OTUD7A: variants seen among roughly 807,000 people sequenced by gnomAD.
OTUD7A encodes OTU deubiquitinase 7A.
A neutral mutation model predicts 65.7 loss-of-function variants in OTUD7A; 12 were observed. That is an observed-to-expected ratio of 0.18 (90% CI 0.12 to 0.30). OTUD7A has a LOEUF of 0.30. Among genes scored for constraint, OTUD7A ranks in the 10% least tolerant of loss-of-function variants. The probability of loss-of-function intolerance (pLI) is 1.00; values close to 1 mark genes in which losing one functional copy is unlikely to be tolerated. For missense variants in OTUD7A, 1,148 were observed against 1,304.8 expected, an observed-to-expected ratio of 0.88 and a Z score of 1.85; for synonymous variants, 641 against 586.3, an observed-to-expected ratio of 1.09 and a Z score of -1.35.
chr15:31,553,794 GTC>G (rs1566916760), intron 5 of OTUD7A, among the ~76,000 whole-genome samples: 1 of 151,818 alleles, frequency 6.6e-6, no homozygotes, highest in African/African-American at 2.4e-5. Context: ...CCTGCCAGCC[GTC>G]TCTCTCTGCC....
At chr15:31,843,423 C>T (rs117533609) in intron 1 of OTUD7A, among the ~76,000 whole-genome samples, 2 of 151,212 alleles carry the variant, frequency 1.3e-5, no homozygotes, top group East Asian at 3.9e-4. Context: ...TTTCTTTTGA[C>T]AGTGATTTTT....
intron 1 of OTUD7A, among the ~76,000 whole-genome samples, chr15:31,764,125 T>C (rs1895042773): frequency 6.6e-6 from 1 of 152,170 alleles, no homozygotes; most frequent in African/African-American, 2.4e-5. Flanking sequence ...ATATAATAGA[T>C]TCTTCTCATA....
chr15:31,567,031 G>C (rs1888897643), intron 4 of OTUD7A, among the ~76,000 whole-genome samples: 2 of 152,170 alleles, frequency 1.3e-5, no homozygotes, highest in Admixed American at 6.5e-5. Context: ...CAGTACCAAG[G>C]GGGTACCTGA....
intron 3 of OTUD7A, among the ~76,000 whole-genome samples, chr15:31,639,316 T>C (rs143697196): frequency 1.3e-5 from 2 of 151,694 alleles, no homozygotes; most frequent in African/African-American, 4.9e-5. Context: ...TTGAGAGTCA[T>C]CTCTGTTGTT....
At chr15:31,754,303 TG>T (rs1172627255) in intron 1 of OTUD7A, among the ~76,000 whole-genome samples, 1 of 152,078 alleles carries the variant, frequency 6.6e-6, no homozygotes, top group Non-Finnish European at 1.5e-5. Flanking sequence ...TCCCACTCTG[TG>T]GGTTGTCTGT....
chr15:31,738,521 T>C (rs1022330401), intron 1 of OTUD7A, among the ~76,000 whole-genome samples: 5 of 152,184 alleles, frequency 3.3e-5, no homozygotes, highest in Admixed American at 3.3e-4. Context: ...CCCAGAGGCA[T>C]TCTGATAGAG....
At position 31,483,669 on chromosome 15, in the gene OTUD7A, G is replaced by C; in HGVS notation, c.2427C>G (p.Arg809=). 1 of 1,167,580 alleles carries C rather than the reference G, an allele frequency of 8.6e-7. No individual in the cohort carries two copies. Among genetic ancestry groups the C allele is most frequent in the Non-Finnish European group, 1.1e-6 (1 of 948,758 alleles). The allele number at this position is 1,167,580 out of a possible 1,614,324, so 72.3% of individuals were successfully genotyped here. ...GGCTGTAGCTCTGCGACGACAGCGA[G>C]CGGTTCTGCTGCGGGTACGTGGCGC... ...RPCATYPQQN[R]SLSSQSYSPA... The change falls in exon 13 of 13, where the codon CGC becomes CGG. Residue 809 remains arginine (R), a synonymous_variant. Coordinates refer to ENST00000307050, the MANE Select transcript of OTUD7A (RefSeq NM_001382637.1).
At chr15:31,692,384 G>A (rs1321552749) in intron 1 of OTUD7A, among the ~76,000 whole-genome samples, 1 of 104,892 alleles carries the variant, frequency 9.5e-6, no homozygotes, top group African/African-American at 2.7e-5. Flanking sequence ...ATGGAATCCC[G>A]TCATTTGCAG....
intron 1 of OTUD7A, chr15:31,768,064 T>C: frequency 6.2e-7 from 1 of 1,601,506 alleles, no homozygotes; most frequent in Non-Finnish European, 8.6e-7. Context: ...CTGCTTCTCC[T>C]GCTGTGAAAC....
At chr15:31,551,497 C>T (rs1009821316) in intron 5 of OTUD7A, among the ~76,000 whole-genome samples, 7 of 152,152 alleles carry the variant, frequency 4.6e-5, no homozygotes, top group African/African-American at 9.7e-5. Flanking sequence ...TGGTTTCACA[C>T]GTGGGGAGCT....
rs1312458771 is a variant in OTUD7A at position 31,516,425 on chromosome 15, C to CG, written c.893+9923dup. ...GTGGCGGAGAGGATCCCAGCTCCAGCGGGGGGCAGCCTGAAAATCATAATG... is the reference window on the plus strand; with the variant it reads ...GTGGCGGAGAGGATCCCAGCTCCAGCGGGGGGGCAGCCTGAAAATCATAATG... On this transcript the variant is annotated intron_variant, in intron 8 of 12. Coordinates refer to ENST00000307050, the MANE Select transcript of OTUD7A (RefSeq NM_001382637.1). Among the ~76,000 whole-genome samples, 7 of 152,144 alleles carry CG rather than the reference C, an allele frequency of 4.6e-5. No homozygotes were observed. The East Asian group carries it at 9.7e-4, about 21-fold the overall frequency.
At chr15:31,751,754 C>T (rs558174578) in intron 1 of OTUD7A, among the ~76,000 whole-genome samples, 2 of 152,228 alleles carry the variant, frequency 1.3e-5, no homozygotes, top group Admixed American at 6.5e-5. Context: ...GAAATAATGT[C>T]CTTTTCAAAC....
chr15:31,839,387 T>C (rs1028991236), intron 1 of OTUD7A, among the ~76,000 whole-genome samples: 1 of 152,194 alleles, frequency 6.6e-6, no homozygotes, highest in Non-Finnish European at 1.5e-5. Context: ...TGGGGCCAGG[T>C]AAGCACCTTG....
chr15:31,671,420 A>G (rs988837991), intron 1 of OTUD7A, among the ~76,000 whole-genome samples: 4 of 152,074 alleles, frequency 2.6e-5, no homozygotes, highest in African/African-American at 9.7e-5. Context: ...CCATTGGTCT[A>G]TGTGTCTGTT....
In OTUD7A at chr15:31,507,624, C is replaced by T. The variant is rs945310350; in HGVS notation, c.894-3806G>A. ...GAACAGGACCCGAGCAGGTTGCTGC[C>T]GCTGCTGGCTGGGGGGCGGGGGTGG... On this transcript the variant is annotated intron_variant, in intron 8 of 12. Coordinates refer to ENST00000307050, the MANE Select transcript of OTUD7A (RefSeq NM_001382637.1). 6.5e-4 allele frequency among the ~76,000 whole-genome samples: 52 copies of T among 80,532 alleles called. 2 individuals are homozygous for T. The highest frequency in any genetic ancestry group is 3.2e-3 in the African/African-American group (49 of 15,176). The allele number at this position is 80,532 out of a possible 152,430, so 52.8% of individuals were successfully genotyped here. A position where few individuals can be genotyped will look rare whatever the true frequency, so the allele number is the denominator to read the frequency against.
At chr15:31,828,931 C>T (rs1413296075) in intron 1 of OTUD7A, among the ~76,000 whole-genome samples, 1 of 152,164 alleles carries the variant, frequency 6.6e-6, no homozygotes, top group Non-Finnish European at 1.5e-5. Flanking sequence ...ATTGCTGTGC[C>T]TCTGAGTGTC....
At chr15:31,494,075 C>T (rs1325601542) in intron 10 of OTUD7A, among the ~76,000 whole-genome samples, 1 of 152,210 alleles carries the variant, frequency 6.6e-6, no homozygotes, top group Non-Finnish European at 1.5e-5. Context: ...CCAATGGTGG[C>T]AGACATACAT....
At chr15:31,763,598 G>C (rs1335986372) in intron 1 of OTUD7A, among the ~76,000 whole-genome samples, 1 of 152,116 alleles carries the variant, frequency 6.6e-6, no homozygotes, top group Non-Finnish European at 1.5e-5. Context: ...AAAGGAGTAA[G>C]AGTCTGGTGT....
chr15:31,756,851 T>C (rs116227004), intron 1 of OTUD7A, among the ~76,000 whole-genome samples: 2,131 of 152,228 alleles, frequency 0.014, 58 homozygotes, highest in African/African-American at 0.049. Context: ...CTACTCAGCA[T>C]CCCTCTTGCT....
Sources: allele counts gnomAD v4.1 joint callset (sites outside exome capture counted in the v4.1 genomes callset), GRCh38; gene constraint gnomAD v4.1.1; transcripts MANE v1.5; gene names NCBI Gene and HGNC (gene_info 2026-07-23, HGNC 2026-07-21).